The following FGF14 variants were observed in gnomAD, a reference collection of about 807,000 sequenced individuals.
FGF14 encodes fibroblast growth factor 14, also known as fibroblast growth factor homologous factor 4.
FGF14 carries 5 observed loss-of-function variants against 25.5 expected under a neutral mutation model. The observed-to-expected ratio is 0.20, with a 90% CI of 0.10 to 0.41. The LOEUF (loss-of-function observed/expected upper bound fraction) is 0.41, where lower values mean the gene tolerates loss of function less well. FGF14 is among the 10% of genes least tolerant of loss of function. The pLI, the probability that FGF14 is intolerant of heterozygous loss-of-function variation, is 1.00. For synonymous variants in FGF14, 138 were observed against 118.3 expected, an observed-to-expected ratio of 1.17 and a Z score of -1.08; for missense variants, 222 against 320.1, an observed-to-expected ratio of 0.69 and a Z score of 2.34.
At chr13:101,988,742 G>T (rs1304501820) in intron 1 of FGF14, among the ~76,000 whole-genome samples, 3 of 151,292 alleles carry the variant, frequency 2.0e-5, no homozygotes, top group Non-Finnish European at 4.4e-5. Context: ...AGCATTAGGA[G>T]ATATACCTAA....
chr13:102,324,000 TGTGTGTTGC>T (rs1390472760), intron 1 of FGF14, among the ~76,000 whole-genome samples: 1 of 149,036 alleles, frequency 6.7e-6, no homozygotes, highest in Non-Finnish European at 1.5e-5. Context: ...TGTGTGTGTG[TGTGTGTTGC>T]TGTACATGTG....
chr13:101,957,818 G>A (rs928686743), intron 1 of FGF14, among the ~76,000 whole-genome samples: 1 of 151,982 alleles, frequency 6.6e-6, no homozygotes, highest in African/African-American at 2.4e-5. Flanking sequence ...GGAAACCATT[G>A]TCACTCTCTT....
chr13:102,272,119 C>A (rs1343075413), intron 1 of FGF14, among the ~76,000 whole-genome samples: 1 of 152,156 alleles, frequency 6.6e-6, no homozygotes. Flanking sequence ...CAGTCTCCAG[C>A]CACTCTGACA....
intron 1 of FGF14, among the ~76,000 whole-genome samples, chr13:102,038,843 A>G (rs1399180203): frequency 6.6e-6 from 1 of 152,196 alleles, no homozygotes; most frequent in African/African-American, 2.4e-5. Context: ...TTTAAGAAAT[A>G]AAGTTTTTAA....
chr13:102,106,622 AAGAG>A (rs1157694701), intron 1 of FGF14, among the ~76,000 whole-genome samples: 16 of 151,612 alleles, frequency 1.1e-4, no homozygotes, highest in East Asian at 9.7e-4. Flanking sequence ...AAAAGAAAGA[AAGAG>A]AGAGAGAGAA....
chr13:101,950,967 G>GT (rs2036133737), intron 1 of FGF14, among the ~76,000 whole-genome samples: 1 of 152,098 alleles, frequency 6.6e-6, no homozygotes. Context: ...TTTTTGGTAC[G>GT]TAAAACTACT....
intron 1 of FGF14, among the ~76,000 whole-genome samples, chr13:101,877,552 C>T (rs990298046): frequency 1.3e-5 from 2 of 152,148 alleles, no homozygotes; most frequent in Non-Finnish European, 2.9e-5. Flanking sequence ...ACCCTGCCCA[C>T]TTAACTGCTA....
chr13:102,259,321 C>A (rs1427262507), intron 1 of FGF14, among the ~76,000 whole-genome samples: 6 of 152,214 alleles, frequency 3.9e-5, no homozygotes, highest in African/African-American at 1.4e-4. Flanking sequence ...TTTGTGAGCA[C>A]ATCCCCACCC....
At chr13:102,384,299 T>C (rs1315957676) in intron 1 of FGF14, among the ~76,000 whole-genome samples, 1 of 152,198 alleles carries the variant, frequency 6.6e-6, no homozygotes, top group Non-Finnish European at 1.5e-5. Context: ...AAAGAACTAC[T>C]AGAGGTATAT....
At chr13:101,766,662 G>A (rs2038417318) in intron 3 of FGF14, among the ~76,000 whole-genome samples, 1 of 152,148 alleles carries the variant, frequency 6.6e-6, no homozygotes. Flanking sequence ...ATGACTTTAT[G>A]TGGAAATGTG....
chr13:101,796,417 C>T (rs762597525), intron 3 of FGF14, among the ~76,000 whole-genome samples: 13 of 151,974 alleles, frequency 8.6e-5, no homozygotes, highest in Non-Finnish European at 1.6e-4. Flanking sequence ...TGAGCATGCA[C>T]TGGGGGGTCC....
At chr13:102,134,534 C>G (rs753736255) in intron 1 of FGF14, among the ~76,000 whole-genome samples, 9 of 152,130 alleles carry the variant, frequency 5.9e-5, no homozygotes, top group African/African-American at 2.2e-4. Flanking sequence ...AGCATTTGTG[C>G]CTTTGCACAC....
At chr13:102,175,835 A>G (rs891177613) in intron 1 of FGF14, among the ~76,000 whole-genome samples, 12 of 152,208 alleles carry the variant, frequency 7.9e-5, no homozygotes, top group African/African-American at 2.9e-4. Context: ...ATCACTAATC[A>G]TCAGAGAAAT....
At chr13:102,026,643 T>C (rs746040981) in intron 1 of FGF14, among the ~76,000 whole-genome samples, 10 of 152,042 alleles carry the variant, frequency 6.6e-5, no homozygotes, top group Admixed American at 2.6e-4. Context: ...CTTAACACAT[T>C]TAATCCAGTT....
rs140539441 is a variant in FGF14 at position 101,882,361 on chromosome 13, C to T, written c.194-7065G>A. ...ATGTTAAAGAACCAAAGACATCTGT[C>T]GAAAAAAAAATGCATTTTTATGTAA... is the stretch of plus-strand genomic sequence containing the variant. On this transcript the variant is annotated intron_variant, in intron 1 of 4. Coordinates refer to ENST00000376143, the MANE Select transcript of FGF14 (RefSeq NM_004115.4). Among the ~76,000 whole-genome samples the T allele has an allele frequency of 7.0e-3, 1,047 of 149,902 alleles. 9 individuals are homozygous for T. Among genetic ancestry groups the T allele is most frequent in the Admixed American group, 0.013 (198 of 15,108 alleles).
intron 1 of FGF14, among the ~76,000 whole-genome samples, chr13:102,383,875 C>G (rs2058242989): frequency 6.6e-6 from 1 of 151,946 alleles, no homozygotes; most frequent in African/African-American, 2.4e-5. Context: ...AATCAACTAT[C>G]TGAAATGGGG....
intron 3 of FGF14, among the ~76,000 whole-genome samples, chr13:101,830,877 G>T (rs1182731508): frequency 1.3e-5 from 2 of 151,954 alleles, no homozygotes; most frequent in African/African-American, 4.8e-5. Context: ...TGCATTCCTT[G>T]GCTTGTGGCT....
At chr13:102,127,973 G>A (rs55875507) in intron 1 of FGF14, among the ~76,000 whole-genome samples, 30,669 of 152,080 alleles carry the variant, frequency 0.2, 3,279 homozygotes, top group Middle Eastern at 0.27. Flanking sequence ...TCCCCATCTC[G>A]CAGCGGTGGG....
intron 1 of FGF14, among the ~76,000 whole-genome samples, chr13:102,181,213 A>C (rs2048659332): frequency 6.6e-6 from 1 of 152,190 alleles, no homozygotes; most frequent in African/African-American, 2.4e-5. Context: ...CAGTGTTCTT[A>C]TTATTAAATG....
Sources: allele counts gnomAD v4.1 joint callset (sites outside exome capture counted in the v4.1 genomes callset), GRCh38; gene constraint gnomAD v4.1.1; transcripts MANE v1.5; gene names NCBI Gene and HGNC (gene_info 2026-07-23, HGNC 2026-07-21).